Variants in AGXT2 observed in about 807,000 individuals in gnomAD.
The protein encoded by AGXT2 is alanine--glyoxylate aminotransferase 2, mitochondrial.
Under a neutral mutation model 62.5 loss-of-function variants are expected in AGXT2, and 61 were observed. The ratio of observed to expected loss-of-function variants is 0.98; its 90% CI spans 0.79 to 1.21. The LOEUF (loss-of-function observed/expected upper bound fraction) is 1.21. Ranked by LOEUF, AGXT2 falls within the 50% of genes most tolerant of loss-of-function variation. AGXT2 has a pLI of 0.00. For synonymous variants in AGXT2, 243 were observed against 218.7 expected, an observed-to-expected ratio of 1.11 and a Z score of -0.98; for missense variants, 666 against 641.5, an observed-to-expected ratio of 1.04 and a Z score of -0.41.
chr5:35,038,549 C>T (rs1277611994), intron 3 of AGXT2, among the ~76,000 whole-genome samples: 1 of 152,104 alleles, frequency 6.6e-6, no homozygotes, highest in Non-Finnish European at 1.5e-5. Context: ...GGGCTGGGCC[C>T]CTGAGGCACA....
intron 9 of AGXT2, 46 bp from the exon 10 acceptor site, chr5:35,014,165 T>C: frequency 6.2e-7 from 1 of 1,612,988 alleles, no homozygotes; most frequent in Non-Finnish European, 8.5e-7. Context: ...CAAGAAATGC[T>C]GTTTTCGACA....
chr5:35,033,194 T>C, intron 6 of AGXT2: 1 of 497,820 alleles, frequency 2.0e-6, no homozygotes, highest in South Asian at 2.1e-5. Context: ...GTTTTGTGCA[T>C]TCAAGATTCT....
intron 11 of AGXT2, among the ~76,000 whole-genome samples, chr5:35,010,796 G>GGGA (rs1766612937): frequency 6.6e-6 from 1 of 152,204 alleles, no homozygotes; most frequent in Admixed American, 6.5e-5. Context: ...GCTGAGAACT[G>GGGA]GGATATATTT....
chr5:35,038,451 G>A (rs778686465), intron 3 of AGXT2, among the ~76,000 whole-genome samples: 4 of 152,100 alleles, frequency 2.6e-5, no homozygotes, highest in Non-Finnish European at 5.9e-5. Flanking sequence ...TCTGAAATTT[G>A]TTTTGGATAC....
intron 7 of AGXT2, among the ~76,000 whole-genome samples, chr5:35,030,759 G>A (rs1767534136): frequency 6.6e-6 from 1 of 152,184 alleles, no homozygotes; most frequent in Admixed American, 6.5e-5. Flanking sequence ...CCACCTTTTA[G>A]TGCTTCCGTC....
chr5:35,032,798 G>C lies in AGXT2; in HGVS notation c.703C>G (p.Pro235Ala). ...PTMCPDVFRG[P>A]WGGSHCRDSP... The stretch of plus-strand genomic sequence containing the variant: ...TCTCGACAGTGGCTTCCTCCCCAAG[G>C]GCCACGAAAAACATCTGGACACATT... The change falls in exon 7 of 14, where the codon CCT becomes GCT. Residue 235 changes from proline (P) to alanine (A), a missense_variant. Pro to Ala is a conservative substitution (Grantham distance 27). Coordinates refer to ENST00000231420, the MANE Select transcript of AGXT2 (RefSeq NM_031900.4). The C allele has an allele frequency of 1.2e-6, 2 of 1,607,466 alleles. No individual in the cohort carries two copies. Among genetic ancestry groups the C allele is most frequent in the Non-Finnish European group, 1.7e-6 (2 of 1,176,902 alleles).
chr5:35,021,877 G>T (rs1307293550), intron 9 of AGXT2, among the ~76,000 whole-genome samples: 1 of 151,918 alleles, frequency 6.6e-6, no homozygotes, highest in African/African-American at 2.4e-5. Context: ...AAATTTACAA[G>T]AAAAAAACAA....
intron 4 of AGXT2, 74 bp from the exon 5 acceptor site, chr5:35,035,390 G>T: frequency 7.8e-7 from 1 of 1,280,912 alleles, no homozygotes; most frequent in Non-Finnish European, 1.1e-6. Flanking sequence ...TTGCTGAAGG[G>T]CAGGTGTCCA....
intron 2 of AGXT2, among the ~76,000 whole-genome samples, chr5:35,039,718 G>A (rs979335365): frequency 3.3e-5 from 5 of 152,238 alleles, no homozygotes; most frequent in East Asian, 1.9e-4. Flanking sequence ...GTAGCCTTTC[G>A]ATCTCTTTTC....
At chr5:35,022,782 A>G (rs1767163096) in intron 9 of AGXT2, among the ~76,000 whole-genome samples, 1 of 151,574 alleles carries the variant, frequency 6.6e-6, no homozygotes, top group East Asian at 1.9e-4. Context: ...AAGAAAAAGC[A>G]CAAGGAAAAC....
intron 12 of AGXT2, among the ~76,000 whole-genome samples, chr5:35,006,329 G>A (rs959777804): frequency 6.6e-6 from 1 of 152,316 alleles, no homozygotes; most frequent in Non-Finnish European, 1.5e-5. Context: ...TTGCTGCAAA[G>A]GAATACCTGA....
rs770020059 is a variant in AGXT2 at position 35,040,608 on chromosome 5, C to A, written c.144G>T (p.Met48Ile). 1.2e-6 allele frequency: 2 copies of A among 1,613,928 alleles called. No homozygotes were observed. Among genetic ancestry groups the A allele is most frequent in the Admixed American group, 1.7e-5 (1 of 60,024 alleles). Reference protein sequence around the residue: ...TKLSLHTKPRMPPCDFMPERY... With the variant: ...TKLSLHTKPRIPPCDFMPERY... Reference sequence around the variant, plus strand: ...TTTCAGGCATGAAGTCACATGGAGGCATTCTGGGCTTTGTATGAAGACTGA... The same window carrying A: ...TTTCAGGCATGAAGTCACATGGAGGAATTCTGGGCTTTGTATGAAGACTGA... The change falls in exon 2 of 14, where the codon ATG (methionine) becomes ATT (isoleucine). Residue 48 changes from methionine to isoleucine, a missense_variant. Met to Ile is a conservative substitution (Grantham distance 10). Coordinates refer to ENST00000231420, the MANE Select transcript of AGXT2 (RefSeq NM_031900.4).
intron 1 of AGXT2, among the ~76,000 whole-genome samples, chr5:35,045,852 C>T (rs1348769487): frequency 6.8e-6 from 1 of 147,340 alleles, no homozygotes; most frequent in African/African-American, 2.5e-5. Flanking sequence ...ACTGCAAGCT[C>T]CGACTCCCGG....
At chr5:35,006,393 T>C (rs1180016454) in intron 12 of AGXT2, among the ~76,000 whole-genome samples, 1 of 152,196 alleles carries the variant, frequency 6.6e-6, no homozygotes, top group African/African-American at 2.4e-5. Flanking sequence ...TTCTACAGGC[T>C]GTACAAGCAT....
chr5:35,008,325 G>T (rs1339884047), intron 12 of AGXT2, among the ~76,000 whole-genome samples: 1 of 152,198 alleles, frequency 6.6e-6, no homozygotes, highest in Non-Finnish European at 1.5e-5. Flanking sequence ...AGACAAAGTT[G>T]TGATGAACAT....
rs2112264563 is a variant in AGXT2, at chr5:35,032,822, T to C, written c.679A>G (p.Met227Val). Residue 227 changes from methionine to valine, a missense_variant, in exon 7 of 14, where the codon ATG becomes GTG. Coordinates refer to ENST00000231420, the MANE Select transcript of AGXT2 (RefSeq NM_031900.4). ...LPGGTGCQPT[M>V]CPDVFRGPWG... is the part of the protein sequence containing the mutation. ...GGGCCACGAAAAACATCTGGACACA[T>C]TGTCTGCAAATGACAAAAGAAGGAG... is the stretch of plus-strand genomic sequence containing the variant. 1 of 1,601,658 alleles carries C rather than the reference T, an allele frequency of 6.2e-7. No homozygotes were observed. The highest frequency in any genetic ancestry group is 8.5e-7 in the Non-Finnish European group (1 of 1,173,200).
chr5:35,036,518 G>T (rs1057481819), intron 4 of AGXT2, among the ~76,000 whole-genome samples: 3 of 152,164 alleles, frequency 2.0e-5, no homozygotes, highest in African/African-American at 4.8e-5. Context: ...TATTAAAAAT[G>T]GTTTCACTGT....
chr5:35,044,417 C>T (rs959276509), intron 1 of AGXT2, among the ~76,000 whole-genome samples: 14 of 152,206 alleles, frequency 9.2e-5, no homozygotes, highest in Non-Finnish European at 1.9e-4. Flanking sequence ...TCATCCGCTC[C>T]GGACATGATC....
chr5:35,036,848 C>G (rs1050073511), intron 4 of AGXT2, 94 bp downstream of exon 4: 18 of 1,590,660 alleles, frequency 1.1e-5, no homozygotes, highest in Non-Finnish European at 1.4e-5. Context: ...GGACGCTCCC[C>G]TAGAATCATA....
Sources: allele counts gnomAD v4.1 joint callset (sites outside exome capture counted in the v4.1 genomes callset), GRCh38; gene constraint gnomAD v4.1.1; transcripts MANE v1.5; gene names NCBI Gene and HGNC (gene_info 2026-07-23, HGNC 2026-07-21).